Variants in ATE1 observed in about 807,000 individuals in gnomAD.
ATE1 encodes arginyl-tRNA--protein transferase 1.
In ATE1, 36 loss-of-function variants were observed where a neutral mutation model predicts 70.5. The ratio of observed to expected loss-of-function variants is 0.51; its 90% confidence interval spans 0.39 to 0.67. The LOEUF (loss-of-function observed/expected upper bound fraction) is 0.67, where lower values mean the gene tolerates loss of function less well. Ranked by LOEUF, ATE1 falls within the 30% of genes least tolerant of loss-of-function variation. ATE1 has a pLI of 0.00. For missense variants in ATE1, 593 were observed against 629.5 expected (o/e 0.94, Z 0.62); for synonymous variants, 232 against 219.3 (o/e 1.06, Z -0.51).
chr10:121,912,377 TGTG>T (rs1378185655), intron 4 of ATE1, among the ~76,000 whole-genome samples: 1 of 151,190 alleles, frequency 6.6e-6, no homozygotes, highest in Non-Finnish European at 1.5e-5. Flanking sequence ...GGCAGCCAGA[TGTG>T]GTGGCTCACA....
chr10:121,770,275 G>T (rs28619340), intron 11 of ATE1, among the ~76,000 whole-genome samples: 1 of 51,236 alleles, frequency 2.0e-5, no homozygotes, highest in African/African-American at 6.3e-5. Flanking sequence ...CACACACACA[G>T]ACATACACCC....
chr10:121,744,152 C>T (rs1944251622), intron 11 of ATE1, among the ~76,000 whole-genome samples: 1 of 151,644 alleles, frequency 6.6e-6, no homozygotes. Flanking sequence ...GAACTCCTAA[C>T]CTCAAGTAAT....
intron 3 of ATE1, among the ~76,000 whole-genome samples, chr10:121,919,454 G>A (rs1022843615): frequency 6.6e-6 from 1 of 152,016 alleles, no homozygotes; most frequent in Admixed American, 6.6e-5. Context: ...CCAGCTAGTC[G>A]GGAGGCTGAG....
intron 8 of ATE1, among the ~76,000 whole-genome samples, chr10:121,847,757 A>AG: frequency 6.5e-5 from 1 of 15,358 alleles, no homozygotes; most frequent in East Asian, 4.1e-3. Context: ...ACTCTGTCTC[A>AG]AAAAAAAAAA....
chr10:121,762,475 A>G (rs1048334271), intron 11 of ATE1, among the ~76,000 whole-genome samples: 1 of 152,208 alleles, frequency 6.6e-6, no homozygotes, highest in Non-Finnish European at 1.5e-5. Flanking sequence ...CATTGATGAA[A>G]AAAAATGCAT....
At chr10:121,897,699 G>A (rs770836624) in intron 7 of ATE1, among the ~76,000 whole-genome samples, 11 of 152,020 alleles carry the variant, frequency 7.2e-5, no homozygotes, top group Middle Eastern at 3.4e-3. Context: ...GGTGGCACGC[G>A]CCTGTAGTCC....
In ATE1 at chr10:121,771,738, C is replaced by T. The variant is rs116797712; in HGVS notation, c.1378+18431G>A. On this transcript the variant is annotated intron_variant, in intron 11 of 11. Coordinates refer to ENST00000224652, the MANE Select transcript of ATE1 (RefSeq NM_001001976.3). Reference sequence around the variant, plus strand: ...TAAAAAATGCAAAGACTTTACATTTCCATTCATTTCTATCTGCTCTCAAAA... The same window carrying T: ...TAAAAAATGCAAAGACTTTACATTTTCATTCATTTCTATCTGCTCTCAAAA... Among the ~76,000 whole-genome samples the T allele has an allele frequency of 5.7e-3, 864 of 152,226 alleles. 8 individuals carry two copies. Among genetic ancestry groups the T allele is most frequent in the African/African-American group, 0.02 (824 of 41,526 alleles).
chr10:121,907,462 C>CAA (rs112503189), intron 5 of ATE1, among the ~76,000 whole-genome samples: 4 of 147,520 alleles, frequency 2.7e-5, no homozygotes, highest in East Asian at 2.0e-4. Flanking sequence ...GAGACTGTGT[C>CAA]AAAAAAAAAT....
chr10:121,841,135 C>T lies in ATE1; in HGVS notation c.1104G>A (p.Leu368=). The part of the protein sequence containing the change: ...ILPNCVSSVY[L]YYDPDYSFLS... ...AAAACGAATAATCAGGATCGTAGTA[C>T]AAATACACAGATGATACACAGTTTG... The change falls in exon 9 of 12, where the codon TTG becomes TTA. Residue 368 remains leucine (L), a synonymous_variant. Coordinates refer to ENST00000224652, the MANE Select transcript of ATE1 (RefSeq NM_001001976.3). 6.3e-7 allele frequency: 1 copy of T among 1,590,414 alleles called. No individual in the cohort carries two copies. Among genetic ancestry groups the T allele is most frequent in the Non-Finnish European group, 8.6e-7 (1 of 1,165,428 alleles).
chr10:121,909,051 C>T lies in ATE1; in HGVS notation c.583+1855G>A, dbSNP rs940949635. The stretch of plus-strand genomic sequence containing the variant: ...CCACCCAGGCTAGAATGCAGAGGCA[C>T]GATCTCAGCTCACTGCAGCCTCGAC... On this transcript the variant is annotated intron_variant, in intron 5 of 11. Coordinates refer to ENST00000224652, the MANE Select transcript of ATE1 (RefSeq NM_001001976.3). Among the ~76,000 whole-genome samples, 7 of 152,306 alleles carry T rather than the reference C, an allele frequency of 4.6e-5. No homozygotes were observed. The East Asian group carries it at 1.2e-3, about 25-fold the overall frequency.
At chr10:121,827,290 G>A (rs1256677135) in intron 10 of ATE1, among the ~76,000 whole-genome samples, 1 of 152,238 alleles carries the variant, frequency 6.6e-6, no homozygotes, top group East Asian at 1.9e-4. Context: ...GGAATTACAG[G>A]CATGAGCCAC....
At chr10:121,876,631 T>C (rs905300816) in intron 7 of ATE1, among the ~76,000 whole-genome samples, 1 of 152,220 alleles carries the variant, frequency 6.6e-6, no homozygotes, top group African/African-American at 2.4e-5. Context: ...ATAACAATTC[T>C]ATATCTTAAA....
rs543142058 is a variant in ATE1 at position 121,859,826 on chromosome 10, C to A, written c.975+10180G>T. Among the ~76,000 whole-genome samples, 1,133 of 152,188 alleles carry A rather than the reference C, an allele frequency of 7.4e-3. 21 individuals carry two copies. The highest frequency in any genetic ancestry group is 0.026 in the African/African-American group (1,086 of 41,544). On this transcript the variant is annotated intron_variant, in intron 8 of 11. Transcript: ENST00000224652. ...GCATGGTGGCAGGTGCCTGTAATCC[C>A]AGCTATTCGGAAGGCTGAGGCAGGA... is the stretch of plus-strand genomic sequence containing the variant.
chr10:121,859,370 C>T (rs1949385093), intron 8 of ATE1, among the ~76,000 whole-genome samples: 1 of 151,098 alleles, frequency 6.6e-6, no homozygotes, highest in Non-Finnish European at 1.5e-5. Context: ...CATTCTCCTG[C>T]CTCAGCCTCC....
At chr10:121,909,550 C>G (rs1253347749) in intron 5 of ATE1, among the ~76,000 whole-genome samples, 1 of 152,054 alleles carries the variant, frequency 6.6e-6, no homozygotes, top group African/African-American at 2.4e-5. Context: ...ACAAGAGTGG[C>G]TATGACATGA....
chr10:121,895,168 T>C (rs1414266397), intron 7 of ATE1, among the ~76,000 whole-genome samples: 3 of 152,136 alleles, frequency 2.0e-5, no homozygotes, highest in African/African-American at 7.2e-5. Flanking sequence ...GAAAAACAAG[T>C]CTGGCAGATC....
In ATE1 at chr10:121,790,136, A is replaced by G. The variant is rs761270895; in HGVS notation, c.1378+33T>C. On this transcript the variant is annotated intron_variant, in intron 11 of 11. Coordinates refer to ENST00000224652, the MANE Select transcript of ATE1 (RefSeq NM_001001976.3). ...CACATGGATCATAAAAACAAAGCCA[A>G]TGATTTCCAGCTGAGCTCAGCTCCA... The G allele has an allele frequency of 1.4e-5, 22 of 1,612,660 alleles. No individual in the cohort carries two copies. The Admixed American group carries it at 2.8e-4, about 21-fold the overall frequency.
At chr10:121,752,234 G>GTT (rs767272285) in intron 11 of ATE1, among the ~76,000 whole-genome samples, 99 of 122,244 alleles carry the variant, frequency 8.1e-4, no homozygotes, top group Non-Finnish European at 1.3e-3. Context: ...TATTTCTAAG[G>GTT]TTTTTTTTTT....
At chr10:121,769,967 A>G (rs529519862) in intron 11 of ATE1, among the ~76,000 whole-genome samples, 54 of 152,236 alleles carry the variant, frequency 3.5e-4, no homozygotes, top group Non-Finnish European at 6.3e-4. Flanking sequence ...TAAAATATTA[A>G]ACATATACTT....
Sources: allele counts gnomAD v4.1 joint callset (sites outside exome capture counted in the v4.1 genomes callset), GRCh38; gene constraint gnomAD v4.1.1; transcripts MANE v1.5; gene names NCBI Gene and HGNC (gene_info 2026-07-23, HGNC 2026-07-21).